OSBPL10: variants seen among roughly 807,000 people sequenced by gnomAD.
OSBPL10 encodes oxysterol binding protein like 10.
Under a neutral mutation model 81.7 loss-of-function variants are expected in OSBPL10, and 49 were observed. That is an observed-to-expected ratio of 0.60 (90% CI 0.48 to 0.76). The LOEUF (loss-of-function observed/expected upper bound fraction) is 0.76, where lower values mean the gene tolerates loss of function less well. OSBPL10 is among the 30% of genes least tolerant of loss of function. The pLI is 0.00. For missense variants in OSBPL10, 923 were observed against 987.8 expected (o/e 0.93, Z 0.88); for synonymous variants, 419 against 383.6 (o/e 1.09, Z -1.08).
At chr3:31,893,729 T>C (rs1203604008) in intron 1 of OSBPL10, among the ~76,000 whole-genome samples, 2 of 151,990 alleles carry the variant, frequency 1.3e-5, no homozygotes, top group African/African-American at 2.4e-5. Flanking sequence ...TCAAAAACAT[T>C]ATGCTAAAGG....
Position 31,668,835 on chromosome 3 carries a change from G to A in OSBPL10, c.1914-11C>T, listed in dbSNP as rs375104306. On this transcript the variant is annotated splice_polypyrimidine_tract_variant and intron_variant, in intron 9 of 11. Coordinates refer to ENST00000396556, the MANE Select transcript of OSBPL10 (RefSeq NM_017784.5). ...ACTTCTGCGGTAACCCTGAATTAAT[G>A]AGTCAAATGAGTACACACTTTTCAA... is the stretch of plus-strand genomic sequence containing the variant. 13 of 1,589,138 alleles carry A rather than the reference G, an allele frequency of 8.2e-6. No individual in the cohort carries two copies. Among genetic ancestry groups the A allele is most frequent in the Admixed American group, 5.1e-5 (3 of 58,784 alleles).
intron 2 of OSBPL10, among the ~76,000 whole-genome samples, chr3:32,037,258 C>T (rs1219134828): frequency 1.3e-5 from 2 of 152,240 alleles, no homozygotes; most frequent in Admixed American, 1.3e-4. Context: ...GCACTGCCCT[C>T]TGCAGAAGCT....
chr3:31,713,381 T>C (rs1696329794), intron 6 of OSBPL10, among the ~76,000 whole-genome samples: 2 of 152,010 alleles, frequency 1.3e-5, no homozygotes, highest in Admixed American at 1.3e-4. Flanking sequence ...CAGATCTTTT[T>C]TTAATTTTAT....
intron 7 of OSBPL10, among the ~76,000 whole-genome samples, chr3:31,685,743 G>A (rs1208413623): frequency 2.6e-5 from 4 of 152,184 alleles, no homozygotes; most frequent in South Asian, 2.1e-4. Flanking sequence ...GTATGATCAC[G>A]GACCACAAAT....
chr3:31,673,281 G>GT (rs1700373359), intron 8 of OSBPL10, among the ~76,000 whole-genome samples: 1 of 152,166 alleles, frequency 6.6e-6, no homozygotes, highest in Non-Finnish European at 1.5e-5. Flanking sequence ...GTCTGACAGT[G>GT]TTTTTTGTTC....
At chr3:31,789,675 C>T (rs1424903044) in intron 4 of OSBPL10, among the ~76,000 whole-genome samples, 1 of 152,204 alleles carries the variant, frequency 6.6e-6, no homozygotes, top group Non-Finnish European at 1.5e-5. Context: ...GATGGAGCTG[C>T]AAGTCAGCAG....
chr3:31,832,102 G>A (rs1450988529), intron 3 of OSBPL10, among the ~76,000 whole-genome samples: 1 of 152,210 alleles, frequency 6.6e-6, no homozygotes, highest in East Asian at 1.9e-4. Flanking sequence ...CAGCTATACA[G>A]TTAAGTGAAG....
At chr3:31,991,245 AGACCATCCT>A in intron 2 of OSBPL10, 1 of 400,202 alleles carries the variant, frequency 2.5e-6, no homozygotes, top group Non-Finnish European at 4.6e-6. Context: ...CAGGAGTTTG[AGACCATCCT>A]GGCCAAAAGA....
chr3:31,989,173 G>T, intron 2 of OSBPL10: 1 of 1,614,164 alleles, frequency 6.2e-7, no homozygotes, highest in Non-Finnish European at 8.5e-7. Context: ...TGTGGCTATA[G>T]AATTCTCTTT....
intron 4 of OSBPL10, among the ~76,000 whole-genome samples, chr3:31,824,691 C>T (rs560703014): frequency 6.6e-6 from 1 of 152,262 alleles, no homozygotes; most frequent in African/African-American, 2.4e-5. Context: ...TCCACCAAAG[C>T]CTTCACATCA....
At chr3:32,056,547 C>T (rs959851398) in intron 1 of OSBPL10, among the ~76,000 whole-genome samples, 2 of 152,204 alleles carry the variant, frequency 1.3e-5, no homozygotes, top group Non-Finnish European at 2.9e-5. Flanking sequence ...CCAGATGTCA[C>T]CTTTGGTCAG....
chr3:31,974,793 G>A (rs932970921), intron 1 of OSBPL10, among the ~76,000 whole-genome samples: 6 of 152,198 alleles, frequency 3.9e-5, no homozygotes, highest in African/African-American at 1.4e-4. Context: ...TAATCTGGGT[G>A]TGTTCCATTT....
At chr3:31,925,927 C>T (rs1697060361) in intron 1 of OSBPL10, among the ~76,000 whole-genome samples, 1 of 152,148 alleles carries the variant, frequency 6.6e-6, no homozygotes. Flanking sequence ...GTTATGAAGG[C>T]CACTGCAGTT....
chr3:31,896,294 A>C (rs1696055616), intron 1 of OSBPL10, among the ~76,000 whole-genome samples: 1 of 152,226 alleles, frequency 6.6e-6, no homozygotes, highest in African/African-American at 2.4e-5. Context: ...ACTGTGTAAG[A>C]TTATATCCCT....
intron 1 of OSBPL10, among the ~76,000 whole-genome samples, chr3:31,931,156 G>A (rs187292974): frequency 1.5e-3 from 223 of 151,878 alleles, no homozygotes; most frequent in Non-Finnish European, 2.4e-3. Flanking sequence ...GAGACCGAGA[G>A]ACAGAAGGAA....
intron 2 of OSBPL10, among the ~76,000 whole-genome samples, chr3:32,027,622 T>C (rs1011609276): frequency 1.3e-5 from 2 of 152,196 alleles, no homozygotes; most frequent in African/African-American, 2.4e-5. Context: ...AAATTGAATG[T>C]GTTCAGATTT....
intron 2 of OSBPL10, among the ~76,000 whole-genome samples, chr3:32,000,017 C>T (rs1039300221): frequency 9.9e-5 from 15 of 152,064 alleles, no homozygotes; most frequent in Admixed American, 9.8e-4. Context: ...GGGAGATGAT[C>T]TTTGCCACAA....
At chr3:31,834,129 A>G (rs978481995) in intron 3 of OSBPL10, among the ~76,000 whole-genome samples, 6 of 152,226 alleles carry the variant, frequency 3.9e-5, no homozygotes, top group African/African-American at 1.4e-4. Context: ...ACTATAAATG[A>G]GCAGGCTGTG....
At chr3:31,952,158 G>A (rs1212771061) in intron 1 of OSBPL10, among the ~76,000 whole-genome samples, 5 of 152,142 alleles carry the variant, frequency 3.3e-5, no homozygotes, top group Non-Finnish European at 1.5e-5. Flanking sequence ...AAAGCATTTT[G>A]TTTTATTTTG....
Sources: gnomAD v4.1 joint callset for allele counts (sites outside exome capture counted in the v4.1 genomes callset) on GRCh38, gnomAD v4.1.1 for gene constraint, MANE v1.5 for transcripts, NCBI Gene and HGNC (gene_info 2026-07-23, HGNC 2026-07-21) for gene names.